Variants in SLC25A20 observed in about 807,000 individuals in gnomAD.
SLC25A20 encodes the protein mitochondrial carnitine/acylcarnitine carrier protein.
A neutral mutation model predicts 39.7 loss-of-function variants in SLC25A20; 29 were observed. That is an observed-to-expected ratio of 0.73 (90% CI 0.54 to 1.00). SLC25A20 has a LOEUF of 1.00. Ranked by LOEUF, SLC25A20 falls within the 50% of genes least tolerant of loss-of-function variation. SLC25A20 has a pLI of 0.00. For missense variants in SLC25A20, 333 were observed against 379.9 expected (o/e 0.88, Z 1.03); for synonymous variants, 103 against 142.2 (o/e 0.72, Z 1.96).
Position 48,862,563 on chromosome 3 carries a change from T to C in SLC25A20, c.514A>G (p.Thr172Ala), listed in dbSNP as rs772209291. ...TTACCTCGCATAAGGGTAAGCACAG[T>C]CCCTTTGTAGATGCCTCGGATCCCA... ...EFGIRGIYKG[T>A]VLTLMRDVPA... The change falls in exon 5 of 9, where the codon ACT becomes GCT. Residue 172 changes from threonine to alanine, a missense_variant. Coordinates refer to ENST00000319017, the MANE Select transcript of SLC25A20 (RefSeq NM_000387.6). The C allele has an allele frequency of 1.9e-6, 3 of 1,613,300 alleles. No homozygotes were observed. In the Admixed American group the frequency reaches 5.0e-5, roughly 27 times the overall value.
At chr3:48,891,665 C>A (rs1450546428) in intron 2 of SLC25A20, among the ~76,000 whole-genome samples, 1 of 152,216 alleles carries the variant, frequency 6.6e-6, no homozygotes, top group Non-Finnish European at 1.5e-5. Flanking sequence ...AGCCACCACA[C>A]CCAGCTCAGA....
At chr3:48,883,877 G>A in intron 3 of SLC25A20, 120 bp downstream of exon 3, 1 of 1,238,240 alleles carries the variant, frequency 8.1e-7, no homozygotes, top group Non-Finnish European at 1.1e-6. Context: ...ACCCGCCTCA[G>A]TCTCCCAAAG....
At chr3:48,895,389 G>A (rs756446483) in intron 1 of SLC25A20, among the ~76,000 whole-genome samples, 5 of 152,140 alleles carry the variant, frequency 3.3e-5, no homozygotes, top group Non-Finnish European at 4.4e-5. Context: ...TGATCTGCCC[G>A]CCTCAGACTC....
rs747335514 is a variant in SLC25A20 at position 48,898,713 on chromosome 3, C to A, written c.82G>T (p.Gly28Cys). ...ACCTTGACCGTGTCCAGAGGGTGAC[C>A]GACGAACACCAGGCACACGCCGCCA... ...GFGGVCLVFV[G>C]HPLDTVKVRL... is the part of the protein sequence containing the mutation. Residue 28 changes from glycine to cysteine, a missense_variant, in exon 1 of 9, where the codon GGT becomes TGT. Gly to Cys is a radical substitution (Grantham distance 159). Coordinates refer to ENST00000319017, the MANE Select transcript of SLC25A20 (RefSeq NM_000387.6). 2.5e-5 allele frequency: 40 copies of A among 1,607,344 alleles called. No individual in the cohort carries two copies. The South Asian group carries it at 4.4e-4, about 18-fold the overall frequency.
At chr3:48,881,120 C>G (rs1222313723) in intron 3 of SLC25A20, among the ~76,000 whole-genome samples, 1 of 152,110 alleles carries the variant, frequency 6.6e-6, no homozygotes, top group Non-Finnish European at 1.5e-5. Flanking sequence ...GTAAAGAGTT[C>G]ACTCCAGGCA....
chr3:48,875,382 G>A (rs953614445), intron 4 of SLC25A20, among the ~76,000 whole-genome samples: 4 of 152,102 alleles, frequency 2.6e-5, no homozygotes, highest in East Asian at 2.0e-4. Context: ...TTACTGGCGT[G>A]AGCCACCGCA....
chr3:48,860,948 C>G (rs1374822113), intron 5 of SLC25A20, among the ~76,000 whole-genome samples: 2 of 151,414 alleles, frequency 1.3e-5, no homozygotes, highest in Non-Finnish European at 2.9e-5. Context: ...ATTCTCCTGC[C>G]TCAGCCTCCT....
At chr3:48,873,625 A>G (rs1009071350) in intron 4 of SLC25A20, among the ~76,000 whole-genome samples, 12 of 151,466 alleles carry the variant, frequency 7.9e-5, no homozygotes, top group African/African-American at 2.9e-4. Flanking sequence ...AACAAATAAA[A>G]TAAAATAAAA....
intron 4 of SLC25A20, among the ~76,000 whole-genome samples, chr3:48,867,561 T>C (rs1366095231): frequency 6.6e-6 from 1 of 151,578 alleles, no homozygotes; most frequent in East Asian, 1.9e-4. Context: ...AGCCCAAAGT[T>C]TGTATTTTTA....
intron 8 of SLC25A20, 43 bp from the exon 9 acceptor site, chr3:48,857,815 C>G: frequency 6.4e-7 from 1 of 1,572,478 alleles, no homozygotes; most frequent in Middle Eastern, 1.7e-4. Flanking sequence ...GCAGGAATAA[C>G]TATTCATAGA....
At chr3:48,866,271 C>T (rs1248483527) in intron 4 of SLC25A20, among the ~76,000 whole-genome samples, 2 of 151,938 alleles carry the variant, frequency 1.3e-5, no homozygotes, top group Non-Finnish European at 2.9e-5. Flanking sequence ...AAACCAGAAA[C>T]AGGCTGGTGT....
chr3:48,875,411 T>C (rs1264651162), intron 4 of SLC25A20, among the ~76,000 whole-genome samples: 6 of 152,186 alleles, frequency 3.9e-5, no homozygotes, highest in Non-Finnish European at 7.4e-5. Flanking sequence ...ATTTATTTAT[T>C]TTTTAATTTA....
At chr3:48,858,906 C>G (rs2106637566) in intron 7 of SLC25A20, among the ~76,000 whole-genome samples, 186 bp downstream of exon 7, 1 of 152,302 alleles carries the variant, frequency 6.6e-6, no homozygotes. Flanking sequence ...TGTGTTTAGG[C>G]TGTCATGAAA....
intron 4 of SLC25A20, among the ~76,000 whole-genome samples, chr3:48,863,834 G>A (rs964464520): frequency 1.3e-4 from 19 of 151,242 alleles, no homozygotes; most frequent in African/African-American, 4.4e-4. Context: ...GACCAACATG[G>A]TGAAACCCTG....
At chr3:48,865,774 A>G (rs1254892830) in intron 4 of SLC25A20, among the ~76,000 whole-genome samples, 2 of 144,720 alleles carry the variant, frequency 1.4e-5, no homozygotes, top group Non-Finnish European at 3.1e-5. Flanking sequence ...GTCTCAAACA[A>G]AAAAAAAAAA....
chr3:48,873,584 G>C (rs1479351921), intron 4 of SLC25A20, among the ~76,000 whole-genome samples: 1 of 151,872 alleles, frequency 6.6e-6, no homozygotes, highest in Non-Finnish European at 1.5e-5. Flanking sequence ...ACTCCAGCCT[G>C]GGCAACGGAG....
At chr3:48,860,910 T>C (rs902982298) in intron 5 of SLC25A20, among the ~76,000 whole-genome samples, 5 of 150,160 alleles carry the variant, frequency 3.3e-5, no homozygotes, top group African/African-American at 1.2e-4. Flanking sequence ...CTCGGCTCAC[T>C]GCAACCTCTG....
At chr3:48,871,943 G>A (rs1366487209) in intron 4 of SLC25A20, among the ~76,000 whole-genome samples, 1 of 145,210 alleles carries the variant, frequency 6.9e-6, no homozygotes, top group East Asian at 2.1e-4. Context: ...CCACCCGCAA[G>A]TAGCTGGGAC....
chr3:48,884,218 T>C, intron 2 of SLC25A20, 94 bp from the exon 3 acceptor site: 9 of 1,493,860 alleles, frequency 6.0e-6, no homozygotes, highest in Non-Finnish European at 8.4e-6. Flanking sequence ...AAACTGTGGC[T>C]TCCTTCACCT....
Sources: gnomAD v4.1 joint callset for allele counts (sites outside exome capture counted in the v4.1 genomes callset) on GRCh38, gnomAD v4.1.1 for gene constraint, MANE v1.5 for transcripts, NCBI Gene and HGNC (gene_info 2026-07-23, HGNC 2026-07-21) for gene names.